Variants in FBXO34 observed in about 807,000 individuals in gnomAD.
The protein encoded by FBXO34 is F-box protein 34.
A neutral mutation model predicts 24.5 loss-of-function variants in FBXO34; 12 were observed. That is an observed-to-expected ratio of 0.49 (90% CI 0.31 to 0.79). The LOEUF (loss-of-function observed/expected upper bound fraction) is 0.79. Among genes scored for constraint, FBXO34 ranks in the 30% least tolerant of loss-of-function variants. The pLI, the probability that FBXO34 is intolerant of heterozygous loss-of-function variation, is 0.04. For missense variants in FBXO34, 823 were observed against 857.7 expected (o/e 0.96, Z 0.51); for synonymous variants, 320 against 311.9 (o/e 1.03, Z -0.27).
At chr14:55,362,751 A>G (rs897016131), downstream of FBXO34, among the ~76,000 whole-genome samples, 2 of 152,174 alleles carry the variant, frequency 1.3e-5, no homozygotes, top group East Asian at 1.9e-4. Context: ...AGGTCTTTCT[A>G]TTCCATCTAC....
At chr14:55,295,420 G>A (rs1882088282) in intron 1 of FBXO34, among the ~76,000 whole-genome samples, 1 of 122,016 alleles carries the variant, frequency 8.2e-6, no homozygotes, top group African/African-American at 3.4e-5. Flanking sequence ...TGGAGACAGA[G>A]TCTCTCGTCT....
chr14:55,314,623 AGAT>A (rs1882865111), intron 1 of FBXO34, among the ~76,000 whole-genome samples: 2 of 152,266 alleles, frequency 1.3e-5, no homozygotes, highest in Admixed American at 1.3e-4. Flanking sequence ...ATAAAATGAT[AGAT>A]GATAATATTA....
At chr14:55,388,092 G>A in the FBXO34 span, among the ~76,000 whole-genome samples, 4 of 152,072 alleles carry the variant, frequency 2.6e-5, no homozygotes, top group African/African-American at 9.7e-5. Context: ...AGCCGAGATC[G>A]TGCCACTGCA....
At chr14:55,386,117 C>T in the FBXO34 span, 7 of 1,583,938 alleles carry the variant, frequency 4.4e-6, no homozygotes, top group African/African-American at 5.4e-5. Context: ...TAAATCACAC[C>T]CAACAATTAT....
chr14:55,394,950 T>TA, the FBXO34 span: 21 of 394,108 alleles, frequency 5.3e-5, no homozygotes, highest in Admixed American at 9.4e-5. Flanking sequence ...TTTCACCTCC[T>TA]AAAAAAAAGC....
chr14:55,302,457 T>G lies in FBXO34; in HGVS notation c.-11+30920T>G, dbSNP rs139847239. On this transcript the variant is annotated intron_variant, in intron 1 of 1. Transcript: ENST00000313833. Reference sequence around the variant, plus strand: ...TGACTCTGTAGCCTCTTTTTTGTTTTTTTTTTTTTTTTTAATTGAGGCAGG... The same window carrying G: ...TGACTCTGTAGCCTCTTTTTTGTTTGTTTTTTTTTTTTTAATTGAGGCAGG... 9.1e-3 allele frequency among the ~76,000 whole-genome samples: 1,372 copies of G among 150,492 alleles called. 33 individuals are homozygous for G. The highest frequency in any genetic ancestry group is 0.032 in the African/African-American group (1,319 of 40,878).
intron 1 of FBXO34, among the ~76,000 whole-genome samples, chr14:55,327,749 G>T (rs549157066): frequency 3.3e-5 from 5 of 151,910 alleles, no homozygotes; most frequent in African/African-American, 1.2e-4. Flanking sequence ...TGGAGGATAC[G>T]TTCCATGGCC....
the FBXO34 span, among the ~76,000 whole-genome samples, chr14:55,425,064 G>C: frequency 1.3e-5 from 2 of 152,240 alleles, no homozygotes; most frequent in Admixed American, 6.5e-5. Context: ...GGTGAATCCA[G>C]ACTGCATGGA....
the FBXO34 span, among the ~76,000 whole-genome samples, chr14:55,384,756 G>A: frequency 6.6e-6 from 1 of 152,358 alleles, no homozygotes; most frequent in South Asian, 2.1e-4. Context: ...AGGTGCTGGA[G>A]AGTGAGAGCA....
At chr14:55,300,156 G>A (rs1444269779) in intron 1 of FBXO34, among the ~76,000 whole-genome samples, 1 of 151,836 alleles carries the variant, frequency 6.6e-6, no homozygotes, top group Non-Finnish European at 1.5e-5. Flanking sequence ...TTTTAGTAAT[G>A]GTTTAAATCA....
At chr14:55,419,533 C>G in the FBXO34 span, among the ~76,000 whole-genome samples, 23 of 152,268 alleles carry the variant, frequency 1.5e-4, 1 homozygote, top group African/African-American at 5.3e-4. Context: ...AAGCACAGAT[C>G]CAGAACAGTG....
downstream of FBXO34, among the ~76,000 whole-genome samples, chr14:55,358,278 C>G (rs1349329034): frequency 6.6e-6 from 1 of 152,232 alleles, no homozygotes; most frequent in Non-Finnish European, 1.5e-5. Flanking sequence ...CCTCAGATTT[C>G]TAAGTCTGTG....
chr14:55,365,739 G>A (rs191567499), downstream of FBXO34, among the ~76,000 whole-genome samples: 216 of 152,196 alleles, frequency 1.4e-3, no homozygotes, highest in South Asian at 2.3e-3. Flanking sequence ...CCGTTTCCTT[G>A]CCTATTTCCT....
At chr14:55,419,500 A>C in the FBXO34 span, among the ~76,000 whole-genome samples, 5 of 152,144 alleles carry the variant, frequency 3.3e-5, no homozygotes, top group Admixed American at 2.6e-4. Flanking sequence ...TGGGCCCTAA[A>C]TGTCACACCA....
chr14:55,292,786 TAGATTAG>T (rs1296642592), intron 1 of FBXO34, among the ~76,000 whole-genome samples: 9 of 152,182 alleles, frequency 5.9e-5, no homozygotes, highest in Admixed American at 5.9e-4. Flanking sequence ...TGTGGCATAG[TAGATTAG>T]ACTCCCAATA....
downstream of FBXO34, among the ~76,000 whole-genome samples, chr14:55,362,139 G>A (rs1044785115): frequency 2.6e-5 from 4 of 152,182 alleles, no homozygotes; most frequent in African/African-American, 9.7e-5. Context: ...TGAACACTTA[G>A]AAGCCTCTGT....
the FBXO34 span, among the ~76,000 whole-genome samples, chr14:55,399,554 C>A: frequency 6.6e-6 from 1 of 152,222 alleles, no homozygotes; most frequent in Non-Finnish European, 1.5e-5. Context: ...CTCCAGAATA[C>A]TAAGAAATCT....
At chr14:55,399,288 A>G in the FBXO34 span, among the ~76,000 whole-genome samples, 1 of 152,368 alleles carries the variant, frequency 6.6e-6, no homozygotes, top group East Asian at 1.9e-4. Context: ...AAATTATATT[A>G]AAAGTTCAGT....
chr14:55,428,968 C>T, the FBXO34 span: 1 of 1,614,026 alleles, frequency 6.2e-7, no homozygotes, highest in Non-Finnish European at 8.5e-7. Flanking sequence ...GTCGAGACTG[C>T]TCTTCACTGG....
Sources: allele counts gnomAD v4.1 joint callset (sites outside exome capture counted in the v4.1 genomes callset), GRCh38; gene constraint gnomAD v4.1.1; transcripts MANE v1.5; gene names NCBI Gene and HGNC (gene_info 2026-07-23, HGNC 2026-07-21).